RNF150: variants seen among roughly 807,000 people sequenced by gnomAD.
The protein encoded by RNF150 is ring finger protein 150.
In RNF150, 24 loss-of-function variants were observed where a neutral mutation model predicts 39.3. The observed-to-expected ratio is 0.61, with a 90% CI of 0.44 to 0.86. RNF150 has a LOEUF of 0.86. Ranked by LOEUF, RNF150 falls within the 40% of genes least tolerant of loss-of-function variation. RNF150 has a pLI of 0.00. For synonymous variants in RNF150, 255 were observed against 227.3 expected (o/e 1.12, Z -1.10); for missense variants, 502 against 587.8 (o/e 0.85, Z 1.51).
At chr4:141,010,714 C>A (rs1292776475) in intron 1 of RNF150, among the ~76,000 whole-genome samples, 1 of 152,076 alleles carries the variant, frequency 6.6e-6, no homozygotes, top group Admixed American at 6.6e-5. Context: ...TCTATCCACA[C>A]CCGCCGCTAA....
Position 140,949,355 on chromosome 4 carries a change from T to C in RNF150, c.753A>G (p.Ala251=), listed in dbSNP as rs1578995427. Residue 251 remains alanine (A), a synonymous_variant, in exon 3 of 7, where the codon GCA becomes GCG. Coordinates refer to ENST00000515673, the MANE Select transcript of RNF150 (RefSeq NM_020724.2). The part of the protein sequence containing the change: ...RDRNQRRLGD[A]AKKAISKLQI... ...GGAGTTTGCTGATGGCTTTCTTTGC[T>C]GCATCCCCCAGTCGGCGCTGAAAAG... 8 of 1,613,256 alleles carry C rather than the reference T, an allele frequency of 5.0e-6. No individual in the cohort carries two copies. The highest frequency in any genetic ancestry group is 3.3e-4 in the Middle Eastern group (2 of 6,084).
At chr4:141,148,811 C>A (rs1578767240) in intron 1 of RNF150, among the ~76,000 whole-genome samples, 1 of 152,154 alleles carries the variant, frequency 6.6e-6, no homozygotes, top group African/African-American at 2.4e-5. Context: ...CTAATCCATT[C>A]CATTTTCAAA....
At chr4:140,913,909 C>A (rs1474434229) in intron 5 of RNF150, among the ~76,000 whole-genome samples, 1 of 152,098 alleles carries the variant, frequency 6.6e-6, no homozygotes, top group Admixed American at 6.6e-5. Flanking sequence ...TATTTAAAGG[C>A]AAGATATGCT....
chr4:140,929,032 A>C (rs1731510256), intron 4 of RNF150, among the ~76,000 whole-genome samples: 1 of 152,106 alleles, frequency 6.6e-6, no homozygotes, highest in African/African-American at 2.4e-5. Flanking sequence ...TAAGTTCCTA[A>C]TCTGAACTTG....
intron 1 of RNF150, among the ~76,000 whole-genome samples, chr4:141,107,479 C>A (rs1376386381): frequency 6.6e-6 from 1 of 152,180 alleles, no homozygotes; most frequent in Admixed American, 6.5e-5. Flanking sequence ...TCTGGGCAGT[C>A]TGGGTCTAGT....
At chr4:141,196,986 A>G (rs1728211650) in intron 1 of RNF150, among the ~76,000 whole-genome samples, 1 of 152,332 alleles carries the variant, frequency 6.6e-6, no homozygotes, top group East Asian at 1.9e-4. Context: ...TTAAGAAAAC[A>G]TGAACATAAA....
intron 1 of RNF150, among the ~76,000 whole-genome samples, chr4:141,146,409 T>C (rs1727201495): frequency 6.6e-6 from 1 of 152,186 alleles, no homozygotes; most frequent in Admixed American, 6.5e-5. Context: ...GTCATGCAAA[T>C]AACTTTAATT....
At chr4:141,149,894 C>T (rs1263637668) in intron 1 of RNF150, among the ~76,000 whole-genome samples, 1 of 152,166 alleles carries the variant, frequency 6.6e-6, no homozygotes, top group Non-Finnish European at 1.5e-5. Flanking sequence ...ATGCCAACAT[C>T]GATTTTTTAA....
At chr4:141,038,848 G>C (rs950496509) in intron 1 of RNF150, among the ~76,000 whole-genome samples, 1 of 152,184 alleles carries the variant, frequency 6.6e-6, no homozygotes, top group Admixed American at 6.5e-5. Context: ...AGGTCCTCAA[G>C]TGAGGCCCCC....
chr4:141,066,439 A>T (rs1737464958), intron 1 of RNF150, among the ~76,000 whole-genome samples: 1 of 152,196 alleles, frequency 6.6e-6, no homozygotes, highest in African/African-American at 2.4e-5. Flanking sequence ...GCCTAATCTT[A>T]AAAAATGATG....
At chr4:141,067,274 A>G (rs756550335) in intron 1 of RNF150, among the ~76,000 whole-genome samples, 4 of 152,226 alleles carry the variant, frequency 2.6e-5, no homozygotes, top group Non-Finnish European at 4.4e-5. Flanking sequence ...CCATTTTGCA[A>G]GAATGTGAAA....
At chr4:141,107,764 G>A (rs913601738) in intron 1 of RNF150, among the ~76,000 whole-genome samples, 2 of 152,040 alleles carry the variant, frequency 1.3e-5, no homozygotes, top group Admixed American at 6.6e-5. Context: ...AACTAGAAAA[G>A]AGCAAACCAT....
chr4:141,098,859 T>C (rs1172672197), intron 1 of RNF150, among the ~76,000 whole-genome samples: 1 of 152,182 alleles, frequency 6.6e-6, no homozygotes, highest in African/African-American at 2.4e-5. Context: ...GGAAGTTTTA[T>C]TAGACTTCTG....
chr4:141,141,433 T>C (rs1357273796), intron 1 of RNF150, among the ~76,000 whole-genome samples: 1 of 152,222 alleles, frequency 6.6e-6, no homozygotes, highest in Non-Finnish European at 1.5e-5. Flanking sequence ...AAATTCTGGT[T>C]GAGGAAGCTA....
chr4:140,865,124 G>A lies in RNF150; in HGVS notation c.*3137C>T, dbSNP rs902485284. On this transcript the variant is annotated 3_prime_UTR_variant, in exon 7 of 7. Transcript: ENST00000515673. ...GTGACTATCCAAATTGAGAGGTGCT[G>A]TGAGTGTAAAAGACACAATGGATTT... 6 of 152,162 alleles carry A rather than the reference G, an allele frequency of 3.9e-5. No individual in the cohort carries two copies. Among genetic ancestry groups the A allele is most frequent in the African/African-American group, 1.4e-4 (6 of 41,414 alleles). The allele number at this position is 152,162 out of a possible 1,614,324, so 9.4% of individuals were successfully genotyped here. A position where few individuals can be genotyped will look rare whatever the true frequency, so the allele number is the denominator to read the frequency against.
intron 1 of RNF150, among the ~76,000 whole-genome samples, chr4:141,093,478 G>A (rs1738671239): frequency 6.6e-6 from 1 of 152,128 alleles, no homozygotes; most frequent in South Asian, 2.1e-4. Flanking sequence ...TCCTATAGAA[G>A]AGTTAGCAGT....
chr4:140,969,097 T>C (rs1733359927), intron 1 of RNF150, among the ~76,000 whole-genome samples: 1 of 152,106 alleles, frequency 6.6e-6, no homozygotes, highest in Non-Finnish European at 1.5e-5. Context: ...TGAGGTCAGT[T>C]AGATGGAACT....
intron 1 of RNF150, among the ~76,000 whole-genome samples, chr4:141,090,397 T>A (rs571045806): frequency 1.1e-3 from 172 of 152,270 alleles, no homozygotes; most frequent in African/African-American, 3.9e-3. Flanking sequence ...CATAAAATTT[T>A]AAGTAGCAGA....
intron 6 of RNF150, among the ~76,000 whole-genome samples, chr4:140,903,736 T>A (rs1055823908): frequency 5.3e-5 from 8 of 152,208 alleles, no homozygotes; most frequent in African/African-American, 1.9e-4. Flanking sequence ...TGAGACAATC[T>A]CCCAGCAATG....
Sources: allele counts gnomAD v4.1 joint callset (sites outside exome capture counted in the v4.1 genomes callset), GRCh38; gene constraint gnomAD v4.1.1; transcripts MANE v1.5; gene names NCBI Gene and HGNC (gene_info 2026-07-23, HGNC 2026-07-21).